Variants in OR4F16 observed in about 807,000 individuals in gnomAD.
OR4F16 encodes the protein olfactory receptor 4F3/4F16/4F29.
chr1:714,461 GGAAA>G, the OR4F16 span, among the ~76,000 whole-genome samples: 1 of 4,498 alleles, frequency 2.2e-4, no homozygotes, highest in Admixed American at 1.3e-3. Flanking sequence ...TAATGATTAG[GGAAA>G]TGTCTCATAT....
At chr1:708,757 CAT>C in the OR4F16 span, among the ~76,000 whole-genome samples, 54 of 12,426 alleles carry the variant, frequency 4.3e-3, no homozygotes, top group African/African-American at 5.4e-3. Flanking sequence ...AGTCTAATCA[CAT>C]GAGTTCTTAA....
chr1:680,539 CAG>C, the OR4F16 span, among the ~76,000 whole-genome samples: 4 of 44,292 alleles, frequency 9.0e-5, no homozygotes, highest in South Asian at 1.2e-3. Flanking sequence ...AACAGACAAA[CAG>C]AGAGCCAAAT....
upstream of OR4F16, among the ~76,000 whole-genome samples, chr1:691,187 A>T (rs978355875): frequency 3.3e-5 from 5 of 151,626 alleles, no homozygotes; most frequent in Non-Finnish European, 7.3e-5. Flanking sequence ...AGGTAAAAAT[A>T]CTTAACCTCA....
the OR4F16 span, among the ~76,000 whole-genome samples, chr1:715,961 A>G: frequency 7.1e-6 from 1 of 141,098 alleles, no homozygotes; most frequent in Non-Finnish European, 1.5e-5. Flanking sequence ...CAAAATTACC[A>G]CTTGATTTAG....
At chr1:711,941 G>A in the OR4F16 span, 8 of 86,642 alleles carry the variant, frequency 9.2e-5, no homozygotes, top group Non-Finnish European at 4.4e-5. Flanking sequence ...AAATTAAGAG[G>A]AAAATCACAT....
chr1:676,860 C>T, the OR4F16 span, among the ~76,000 whole-genome samples: 2 of 117,698 alleles, frequency 1.7e-5, 1 homozygote, highest in Non-Finnish European at 3.2e-5. Flanking sequence ...AGTATTCGAG[C>T]TCTGATAAGG....
the OR4F16 span, among the ~76,000 whole-genome samples, chr1:713,500 C>G: frequency 7.2e-6 from 1 of 139,662 alleles, no homozygotes; most frequent in Non-Finnish European, 1.5e-5. Flanking sequence ...TAGTCAATCT[C>G]TATCTCAATT....
chr1:708,481 G>C, the OR4F16 span, among the ~76,000 whole-genome samples: 1 of 132,056 alleles, frequency 7.6e-6, no homozygotes. Context: ...TAGACTAGTG[G>C]AATAACATAA....
the OR4F16 span, among the ~76,000 whole-genome samples, chr1:717,232 T>C: frequency 6.6e-6 from 1 of 150,856 alleles, no homozygotes; most frequent in Middle Eastern, 3.2e-3. Flanking sequence ...AATGGGAGAA[T>C]GTTGAAAACT....
At chr1:683,199 TAA>T (rs1277410661), downstream of OR4F16, among the ~76,000 whole-genome samples, 5 of 73,998 alleles carry the variant, frequency 6.8e-5, no homozygotes, top group African/African-American at 2.8e-4. Flanking sequence ...TTATGACCAA[TAA>T]ATTTTTGACA....
chr1:715,934 TA>T, the OR4F16 span, among the ~76,000 whole-genome samples: 1 of 146,732 alleles, frequency 6.8e-6, no homozygotes, highest in Non-Finnish European at 1.5e-5. Flanking sequence ...CCCAAGCCAC[TA>T]AATCAACTTG....
chr1:709,351 TAA>T, the OR4F16 span, among the ~76,000 whole-genome samples: 2 of 30,458 alleles, frequency 6.6e-5, no homozygotes, highest in African/African-American at 1.6e-4. Flanking sequence ...AACATATATA[TAA>T]GTGAATAAAT....
the OR4F16 span, among the ~76,000 whole-genome samples, chr1:696,942 GTACA>G: frequency 8.7e-6 from 1 of 114,386 alleles, no homozygotes; most frequent in Admixed American, 7.8e-5. Context: ...AAGAAAATAG[GTACA>G]TACAAAATAT....
chr1:680,135 T>G, the OR4F16 span, among the ~76,000 whole-genome samples: 1 of 102,078 alleles, frequency 9.8e-6, no homozygotes, highest in African/African-American at 4.1e-5. Context: ...TCTCAATAGA[T>G]GCAGAAAAGG....
At chr1:692,799 CAA>C in the OR4F16 span, among the ~76,000 whole-genome samples, 2 of 136,768 alleles carry the variant, frequency 1.5e-5, no homozygotes, top group African/African-American at 5.6e-5. Context: ...AAGAAAATAT[CAA>C]GATTTAAGCA....
chr1:711,670 G>A, the OR4F16 span: 6 of 79,024 alleles, frequency 7.6e-5, no homozygotes, highest in Admixed American at 1.7e-4. Context: ...AGTTTTCCTT[G>A]TTGGCGAGCA....
At chr1:714,078 GTATA>G in the OR4F16 span, among the ~76,000 whole-genome samples, 67 of 140,802 alleles carry the variant, frequency 4.8e-4, no homozygotes, top group Non-Finnish European at 8.5e-4. Context: ...TATATATATA[GTATA>G]TATATAAATT....
the OR4F16 span, among the ~76,000 whole-genome samples, chr1:713,293 T>G: frequency 7.9e-5 from 4 of 50,374 alleles, no homozygotes; most frequent in Admixed American, 2.2e-4. Context: ...TCCCTTTTCT[T>G]TAAGAAGCAT....
chr1:690,476 G>A (rs1342947884), upstream of OR4F16, among the ~76,000 whole-genome samples: 13 of 136,644 alleles, frequency 9.5e-5, no homozygotes, highest in African/African-American at 3.8e-4. Context: ...CTAAAACTAT[G>A]AAAATTCACA....
Sources: allele counts gnomAD v4.1 joint callset (sites outside exome capture counted in the v4.1 genomes callset), GRCh38; gene constraint gnomAD v4.1.1; transcripts MANE v1.5; gene names NCBI Gene and HGNC (gene_info 2026-07-23, HGNC 2026-07-21).